The following SCN3A variants were observed in gnomAD, a reference collection of about 807,000 sequenced individuals.
SCN3A encodes the protein sodium voltage-gated channel alpha subunit 3, also known as sodium channel protein type 3 subunit alpha.
A neutral mutation model predicts 187.6 loss-of-function variants in SCN3A; 60 were observed. The ratio of observed to expected loss-of-function variants is 0.32; its 90% CI spans 0.26 to 0.40. SCN3A has a LOEUF of 0.40. Ranked by LOEUF, SCN3A falls within the 10% of genes least tolerant of loss-of-function variation. The pLI is 1.00. For synonymous variants in SCN3A, 788 were observed against 829.2 expected, an observed-to-expected ratio of 0.95 and a Z score of 0.85; for missense variants, 1,601 against 2,428.2, an observed-to-expected ratio of 0.66 and a Z score of 7.16.
At chr2:165,177,193 C>G (rs569883181) in intron 2 of SCN3A, among the ~76,000 whole-genome samples, 1 of 152,218 alleles carries the variant, frequency 6.6e-6, no homozygotes, top group East Asian at 1.9e-4. Context: ...AATATGCTGC[C>G]CTTCAATTAT....
At position 165,176,297 on chromosome 2, in the gene SCN3A, T is replaced by C. The variant is rs1480718888; in HGVS notation, c.98A>G (p.Lys33Arg). 1 of 1,614,036 alleles carries C rather than the reference T, an allele frequency of 6.2e-7. No homozygotes were observed. The highest frequency in any genetic ancestry group is 1.7e-5 in the Admixed American group (1 of 59,990). Residue 33 changes from lysine to arginine, a missense_variant, in exon 3 of 28, where the codon AAA (lysine) becomes AGA (arginine). Transcript: ENST00000283254. ...AAIEKRAAEE[K>R]AKKPKKEQDN... The stretch of plus-strand genomic sequence containing the variant: ...TTGTTCCTTTTTGGGCTTCTTGGCT[T>C]TCTCTTCTGCAGCACGTTTTTCGAT...
chr2:165,127,845 T>G lies in SCN3A; in HGVS notation c.3179A>C (p.Glu1060Ala), dbSNP rs1311215524. 3 of 1,614,164 alleles carry G rather than the reference T, an allele frequency of 1.9e-6. No individual in the cohort carries two copies. Among genetic ancestry groups the G allele is most frequent in the Non-Finnish European group, 2.5e-6 (3 of 1,180,002 alleles). ...SNNTGIEISK[E>A]LNYLRDGNGT... is the part of the protein sequence containing the mutation. ...ATTCCCATCTCTAAGATAATTAAGC[T>G]CTTTGCTTATTTCAATTCCAGTATT... is the stretch of plus-strand genomic sequence containing the variant. Residue 1060 changes from glutamate (E) to alanine (A), a missense_variant, in exon 18 of 28, where the codon GAG (glutamate) becomes GCG (alanine). Glu to Ala is a moderately radical substitution (Grantham distance 107, BLOSUM62 -1). Transcript: ENST00000283254.
At chr2:165,174,772 G>T (rs1318096560) in intron 3 of SCN3A, among the ~76,000 whole-genome samples, 1 of 151,996 alleles carries the variant, frequency 6.6e-6, no homozygotes, top group Non-Finnish European at 1.5e-5. Flanking sequence ...CAATTCTATA[G>T]TAAATTGTTG....
At position 165,092,596 on chromosome 2, in the gene SCN3A, TA is replaced by T. The variant is rs1443445319; in HGVS notation, c.4537-73del. The T allele has an allele frequency of 6.3e-6, 9 of 1,439,488 alleles. No homozygotes were observed. Among genetic ancestry groups the T allele is most frequent in the Non-Finnish European group, 8.7e-6 (9 of 1,029,404 alleles). The allele number at this position is 1,439,488 out of a possible 1,614,324, so 89.2% of individuals were successfully genotyped here. A position where few individuals can be genotyped will look rare whatever the true frequency, so the allele number is the denominator to read the frequency against. On this transcript the variant is annotated intron_variant, in intron 26 of 27. Transcript: ENST00000283254. This position sits in a 1 kb window ranked among gnomAD's most constrained non-coding sequence, Gnocchi z 4.2. Reference sequence around the variant, plus strand: ...AAGAATAATGCAGTAAAATTGTAGATAAAGCCCTTCCACATACGGGATGGAT... The same window carrying T: ...AAGAATAATGCAGTAAAATTGTAGATAAGCCCTTCCACATACGGGATGGAT...
At chr2:165,198,996 G>T (rs1240185001) in intron 1 of SCN3A, among the ~76,000 whole-genome samples, 2 of 151,980 alleles carry the variant, frequency 1.3e-5, no homozygotes, top group Non-Finnish European at 2.9e-5. Flanking sequence ...TAGACCAGAA[G>T]CGCAATGTCA....
intron 5 of SCN3A, among the ~76,000 whole-genome samples, chr2:165,168,437 T>C (rs1202051994): frequency 6.6e-6 from 1 of 152,060 alleles, no homozygotes; most frequent in African/African-American, 2.4e-5. Context: ...CTGTATTTTA[T>C]CTCAAATGAT....
chr2:165,167,470 G>A (rs1689842769), intron 5 of SCN3A, among the ~76,000 whole-genome samples: 1 of 152,004 alleles, frequency 6.6e-6, no homozygotes, highest in South Asian at 2.1e-4. Flanking sequence ...AAAAGTGGCA[G>A]TATTTGTTAC....
chr2:165,184,501 A>C (rs1265050630), intron 2 of SCN3A, among the ~76,000 whole-genome samples: 1 of 82,202 alleles, frequency 1.2e-5, no homozygotes, highest in Non-Finnish European at 2.1e-5. Context: ...AAAAAAAAAG[A>C]AAAAAAAAAA....
chr2:165,094,941 CA>C (rs1393832273), intron 25 of SCN3A, among the ~76,000 whole-genome samples: 2 of 151,914 alleles, frequency 1.3e-5, no homozygotes, highest in African/African-American at 4.8e-5. Flanking sequence ...GTTGATATGA[CA>C]AAAAAATTAA....
intron 15 of SCN3A, among the ~76,000 whole-genome samples, chr2:165,135,334 G>T (rs1263425084): frequency 6.6e-6 from 1 of 152,090 alleles, no homozygotes; most frequent in Non-Finnish European, 1.5e-5. Context: ...ACAAGGAAGT[G>T]ATGTAATTTT....
intron 3 of SCN3A, among the ~76,000 whole-genome samples, chr2:165,171,876 T>C (rs1690122874): frequency 6.6e-6 from 1 of 152,120 alleles, no homozygotes; most frequent in Admixed American, 6.6e-5. Flanking sequence ...TCACAGTATT[T>C]AATAGCCTGG....
chr2:165,163,610 G>A lies in SCN3A; in HGVS notation c.694+8C>T, dbSNP rs955318055. ...AAAGTCAACCTCGGTGTTTAACCTA[G>A]CTCTCACCTGGAATGACTGAAATTG... On this transcript the variant is annotated splice_region_variant and intron_variant, in intron 7 of 27. Transcript: ENST00000283254. 6.2e-7 allele frequency: 1 copy of A among 1,613,796 alleles called. No homozygotes were observed. Among genetic ancestry groups the A allele is most frequent in the South Asian group, 1.1e-5 (1 of 91,060 alleles).
In SCN3A at chr2:165,141,900, A is replaced by T. The variant is rs374782933; in HGVS notation, c.1672-902T>A. Among the ~76,000 whole-genome samples the T allele has an allele frequency of 1.7e-4, 26 of 152,358 alleles. No homozygotes were observed. In the East Asian group the frequency reaches 3.9e-3, roughly 23 times the overall value. On this transcript the variant is annotated intron_variant, in intron 12 of 27. Transcript: ENST00000283254. Reference sequence around the variant, plus strand: ...ATTCAAAACCTTTTTCATTACAGCTATTCCCAGATAAATTAAGCAAACTAT... The same window carrying T: ...ATTCAAAACCTTTTTCATTACAGCTTTTCCCAGATAAATTAAGCAAACTAT...
chr2:165,170,260 A>AT (rs1690023284), intron 4 of SCN3A, among the ~76,000 whole-genome samples, 170 bp downstream of exon 4: 1 of 151,934 alleles, frequency 6.6e-6, no homozygotes, highest in Non-Finnish European at 1.5e-5. Context: ...TAGTCATTCT[A>AT]TAATACTCTC....
chr2:165,136,727 A>G (rs995419082), intron 15 of SCN3A, among the ~76,000 whole-genome samples: 1 of 152,228 alleles, frequency 6.6e-6, no homozygotes, highest in South Asian at 2.1e-4. Flanking sequence ...TGAGAGAGGC[A>G]ACAGAAAAAT....
rs1270767093 is a variant in SCN3A, at chr2:165,096,495, A to G, written c.4265T>C (p.Ile1422Thr). ...QVATFKGWMD[I>T]MYAAVDSRDV... The stretch of plus-strand genomic sequence containing the variant: ...TCGTGAATCAACAGCTGCATACATA[A>G]TATCCATCCAGCCTTTAAATGTGGC... The change falls in exon 24 of 28, where the codon ATT (isoleucine) becomes ACT (threonine). Residue 1422 changes from isoleucine (I) to threonine (T), a missense_variant. Ile to Thr is a moderately conservative substitution (Grantham distance 89, BLOSUM62 -1). Around this residue, in one of 11 missense-constraint regions of SCN3A, gnomAD observed 320 missense variants for 623.2 expected, o/e 0.51. Coordinates refer to ENST00000283254, the MANE Select transcript of SCN3A (RefSeq NM_006922.4). The G allele has an allele frequency of 1.2e-6, 2 of 1,611,806 alleles. No homozygotes were observed. Among genetic ancestry groups the G allele is most frequent in the Admixed American group, 1.7e-5 (1 of 59,998 alleles).
Position 165,154,497 on chromosome 2 carries a change from A to C in SCN3A, c.1335T>G (p.Phe445Leu). ...LEEAEQKEAE[F>L]QQMLEQLKKQ... ...TTTTAAGCTGTTCGAGCATCTGCTG[A>C]AATTCGGCCTCTTTTTGTTCTGCTT... The change falls in exon 11 of 28, where the codon TTT (phenylalanine) becomes TTG (leucine). Residue 445 changes from phenylalanine (F) to leucine (L), a missense_variant. By Grantham distance (22) the Phe-to-Leu change is conservative (BLOSUM62 0). Transcript: ENST00000283254. The C allele has an allele frequency of 6.2e-7, 1 of 1,614,152 alleles. No individual in the cohort carries two copies. The highest frequency in any genetic ancestry group is 8.5e-7 in the Non-Finnish European group (1 of 1,180,014).
intron 15 of SCN3A, among the ~76,000 whole-genome samples, chr2:165,132,581 T>A (rs1443025735): frequency 6.6e-6 from 1 of 152,182 alleles, no homozygotes; most frequent in Non-Finnish European, 1.5e-5. Context: ...TAGCCATATG[T>A]AGAAAGCTGA....
intron 18 of SCN3A, among the ~76,000 whole-genome samples, chr2:165,123,360 T>G (rs1574148951): frequency 6.6e-6 from 1 of 152,170 alleles, no homozygotes; most frequent in East Asian, 1.9e-4. Flanking sequence ...CTCTAAAAAC[T>G]TCTAGGGATC....
Sources: allele counts gnomAD v4.1 joint callset (sites outside exome capture counted in the v4.1 genomes callset), GRCh38; gene constraint gnomAD v4.1.1; regional missense constraint gnomAD v4.1.1; non-coding constraint Gnocchi (gnomAD v3.1); transcripts MANE v1.5; gene names NCBI Gene and HGNC (gene_info 2026-07-23, HGNC 2026-07-21).